The following ARK2C variants were observed in gnomAD, a reference collection of about 807,000 sequenced individuals.
ARK2C encodes the protein arkadia (RNF111) C-terminal like ring finger ubiquitin ligase 2C.
At chr18:46,406,364 A>C in the ARK2C span, among the ~76,000 whole-genome samples, 1 of 152,156 alleles carries the variant, frequency 6.6e-6, no homozygotes, top group African/African-American at 2.4e-5. Context: ...TCTTACTGCC[A>C]TTGCCCTGTG....
the ARK2C span, among the ~76,000 whole-genome samples, chr18:46,338,615 C>CTT: frequency 6.6e-6 from 1 of 150,598 alleles, no homozygotes; most frequent in African/African-American, 2.4e-5. Flanking sequence ...CTTAAAATAT[C>CTT]TTTTTTTTTT....
chr18:46,443,298 A>T, the ARK2C span, among the ~76,000 whole-genome samples: 1 of 152,196 alleles, frequency 6.6e-6, no homozygotes, highest in Non-Finnish European at 1.5e-5. Flanking sequence ...TTGGTTTAAT[A>T]GTCATACCAC....
the ARK2C span, among the ~76,000 whole-genome samples, chr18:46,349,466 C>T: frequency 1.3e-5 from 2 of 152,324 alleles, no homozygotes; most frequent in East Asian, 3.9e-4. Context: ...ACACCATCAT[C>T]TTGGGGGTTA....
chr18:46,431,743 G>T, the ARK2C span, among the ~76,000 whole-genome samples: 2 of 152,214 alleles, frequency 1.3e-5, no homozygotes, highest in Admixed American at 6.5e-5. Context: ...TGAGAAAGGG[G>T]AGGAGCCCTG....
the ARK2C span, among the ~76,000 whole-genome samples, chr18:46,394,409 C>T: frequency 1.3e-5 from 2 of 152,144 alleles, no homozygotes; most frequent in East Asian, 3.9e-4. Flanking sequence ...TCGGAGATGA[C>T]ACAGCTCTCC....
chr18:46,400,097 G>T, the ARK2C span, among the ~76,000 whole-genome samples: 26 of 152,296 alleles, frequency 1.7e-4, no homozygotes, highest in Non-Finnish European at 3.4e-4. Context: ...CTTACCCATC[G>T]CTTGGCTTCA....
chr18:46,428,395 G>C, the ARK2C span, among the ~76,000 whole-genome samples: 130 of 152,212 alleles, frequency 8.5e-4, no homozygotes, highest in African/African-American at 3.0e-3. Context: ...GTGACAGAGC[G>C]AGACTCCATC....
the ARK2C span, among the ~76,000 whole-genome samples, chr18:46,390,522 C>G: frequency 2.0e-5 from 3 of 152,202 alleles, no homozygotes; most frequent in Non-Finnish European, 4.4e-5. Context: ...TATATTCTAT[C>G]TATTTTCAGT....
chr18:46,347,895 C>A, the ARK2C span, among the ~76,000 whole-genome samples: 5 of 152,032 alleles, frequency 3.3e-5, no homozygotes, highest in Non-Finnish European at 7.4e-5. Context: ...TAACACATAC[C>A]CACTGAGCAC....
chr18:46,403,175 T>C, the ARK2C span, among the ~76,000 whole-genome samples: 1 of 152,222 alleles, frequency 6.6e-6, no homozygotes, highest in African/African-American at 2.4e-5. Flanking sequence ...TTCCAGGCCA[T>C]TGGAATCTTG....
the ARK2C span, among the ~76,000 whole-genome samples, chr18:46,449,135 C>G: frequency 1.3e-3 from 198 of 152,202 alleles, no homozygotes; most frequent in African/African-American, 4.7e-3. Context: ...AGAGTATTAT[C>G]CTGATTTTAA....
At chr18:46,390,759 A>T in the ARK2C span, among the ~76,000 whole-genome samples, 2 of 152,160 alleles carry the variant, frequency 1.3e-5, no homozygotes, top group African/African-American at 2.4e-5. Flanking sequence ...GGCTGGGCTC[A>T]GGTTCCAGTT....
chr18:46,428,828 C>A, the ARK2C span, among the ~76,000 whole-genome samples: 1 of 152,162 alleles, frequency 6.6e-6, no homozygotes, highest in African/African-American at 2.4e-5. Context: ...TAAAAGGTGA[C>A]TACTAGGAAA....
the ARK2C span, among the ~76,000 whole-genome samples, chr18:46,404,796 ACAC>A: frequency 6.6e-6 from 1 of 151,280 alleles, no homozygotes; most frequent in Admixed American, 6.6e-5. Context: ...ATACACACAC[ACAC>A]AACAACCCCC....
the ARK2C span, among the ~76,000 whole-genome samples, chr18:46,338,332 C>G: frequency 2.6e-5 from 4 of 152,232 alleles, no homozygotes; most frequent in Non-Finnish European, 4.4e-5. Context: ...GAAGCTGACT[C>G]AGGCCACTCC....
chr18:46,385,574 G>A, the ARK2C span: 3 of 152,174 alleles, frequency 2.0e-5, no homozygotes, highest in Non-Finnish European at 1.5e-5. Flanking sequence ...GGTAGAAGCA[G>A]GAACAAAACT....
chr18:46,456,488 C>T, the ARK2C span: 25 of 1,508,550 alleles, frequency 1.7e-5, no homozygotes, highest in African/African-American at 2.5e-4. Context: ...CAGCTCTTGC[C>T]GGGCCTCTGA....
At chr18:46,417,786 C>G in the ARK2C span, among the ~76,000 whole-genome samples, 1 of 152,130 alleles carries the variant, frequency 6.6e-6, no homozygotes, top group Non-Finnish European at 1.5e-5. Context: ...GGTGGATCAC[C>G]TGAGGTCAGG....
the ARK2C span, among the ~76,000 whole-genome samples, chr18:46,430,881 C>G: frequency 6.6e-6 from 1 of 152,180 alleles, no homozygotes; most frequent in African/African-American, 2.4e-5. Context: ...TGCATTAACT[C>G]TGTTCCTCGA....
Sources: gnomAD v4.1 joint callset for allele counts (sites outside exome capture counted in the v4.1 genomes callset) on GRCh38, gnomAD v4.1.1 for gene constraint, MANE v1.5 for transcripts, NCBI Gene and HGNC (gene_info 2026-07-23, HGNC 2026-07-21) for gene names.